CYP3A4: variants seen among roughly 807,000 people sequenced by gnomAD.
CYP3A4 encodes cytochrome P450 family 3 subfamily A member 4, also known as cytochrome P450 3A4.
In CYP3A4, 41 loss-of-function variants were observed where a neutral mutation model predicts 54.9. That is an observed-to-expected ratio of 0.75 (90% CI 0.58 to 0.97). CYP3A4 has a LOEUF of 0.97. Among genes scored for constraint, CYP3A4 ranks in the 50% least tolerant of loss-of-function variants. The probability of loss-of-function intolerance (pLI) is 0.00; values close to 1 mark genes in which losing one functional copy is unlikely to be tolerated. For synonymous variants in CYP3A4, 179 were observed against 205.2 expected (o/e 0.87, Z 1.09); for missense variants, 510 against 597.3 (o/e 0.85, Z 1.52).
At chr7:99,780,654 C>T (rs1158536653) in intron 1 of CYP3A4, among the ~76,000 whole-genome samples, 1 of 152,204 alleles carries the variant, frequency 6.6e-6, no homozygotes, top group Admixed American at 6.5e-5. Context: ...TCTTCTTAAA[C>T]CGTCATTCAC....
At chr7:99,758,579 T>G (rs775203547) in intron 12 of CYP3A4, among the ~76,000 whole-genome samples, 1 of 152,236 alleles carries the variant, frequency 6.6e-6, no homozygotes, top group Non-Finnish European at 1.5e-5. Context: ...CTTTTTTGAT[T>G]TAAATTTTAA....
chr7:99,780,127 T>C (rs765248633), intron 1 of CYP3A4, 42 bp from the exon 2 acceptor site: 38 of 1,587,304 alleles, frequency 2.4e-5, no homozygotes, highest in Non-Finnish European at 3.3e-5. Context: ...GATTGTGACT[T>C]TATAGATATA....
At chr7:99,767,077 T>A in intron 8 of CYP3A4, 54 bp downstream of exon 8, 3 of 1,545,498 alleles carry the variant, frequency 1.9e-6, no homozygotes, top group Non-Finnish European at 2.7e-6. Context: ...ATGTATATTA[T>A]CTAAAAAATT....
intron 8 of CYP3A4, chr7:99,766,650 A>G (rs1257519295): frequency 3.2e-6 from 2 of 627,022 alleles, no homozygotes; most frequent in Non-Finnish European, 5.4e-6. Flanking sequence ...TCTGGCTATC[A>G]TGTGAGATGG....
intron 9 of CYP3A4, among the ~76,000 whole-genome samples, chr7:99,764,229 G>A (rs542055976): frequency 2.0e-5 from 3 of 152,082 alleles, no homozygotes; most frequent in African/African-American, 7.2e-5. Flanking sequence ...CAAGGTCTTC[G>A]AGAATGTGGG....
intron 5 of CYP3A4, 85 bp downstream of exon 5, chr7:99,770,037 G>A: frequency 6.5e-7 from 1 of 1,530,428 alleles, no homozygotes; most frequent in Admixed American, 1.7e-5. Flanking sequence ...CTACCCCTTG[G>A]AAAGGGACTG....
chr7:99,762,490 G>C (rs1355851053), intron 10 of CYP3A4, among the ~76,000 whole-genome samples: 2 of 151,772 alleles, frequency 1.3e-5, no homozygotes, highest in Admixed American at 6.6e-5. Flanking sequence ...ATTCGGGAAG[G>C]CTCTCACCCC....
At chr7:99,770,438 G>T (rs1815603323) in intron 4 of CYP3A4, among the ~76,000 whole-genome samples, 1 of 152,022 alleles carries the variant, frequency 6.6e-6, no homozygotes, top group Non-Finnish European at 1.5e-5. Context: ...CGGGGCGGGG[G>T]GGTGGCGGCA....
intron 4 of CYP3A4, 130 bp downstream of exon 4, chr7:99,772,459 CG>C (rs1563043411): frequency 1.2e-5 from 13 of 1,067,188 alleles, no homozygotes; most frequent in South Asian, 4.5e-5. Context: ...TGTTACCATT[CG>C]GGGGGGACAG....
chr7:99,769,504 T>C, intron 6 of CYP3A4: 1 of 470,346 alleles, frequency 2.1e-6, no homozygotes, highest in Non-Finnish European at 3.9e-6. Flanking sequence ...AGGATATATT[T>C]AGTCTTCTAG....
At chr7:99,783,911 A>T (rs890186911) in intron 1 of CYP3A4, 100 bp downstream of exon 1, 11 of 1,389,400 alleles carry the variant, frequency 7.9e-6, no homozygotes, top group Non-Finnish European at 1.1e-5. Context: ...GCCCGGCCTG[A>T]ACATCTTTTT....
At chr7:99,768,622 T>A (rs1815544413) in intron 6 of CYP3A4, 120 bp from the exon 7 acceptor site, 2 of 1,573,016 alleles carry the variant, frequency 1.3e-6, no homozygotes, top group African/African-American at 1.4e-5. Flanking sequence ...GACTTTCAGA[T>A]CTACTAGATC....
Position 99,771,815 on chromosome 7 carries a change from G to T in CYP3A4, c.318+775C>A, listed in dbSNP as rs1381716958. On this transcript the variant is annotated intron_variant, in intron 4 of 12. Transcript: ENST00000651514. ...GTACGTGAGAGATGCAAAGAAGTAT[G>T]CCCAGTTGATTTTTAACAATATACC... Among the ~76,000 whole-genome samples, 3 of 152,142 alleles carry T rather than the reference G, an allele frequency of 2.0e-5. No individual in the cohort carries two copies. In the East Asian group the frequency reaches 5.8e-4, roughly 29 times the overall value.
chr7:99,766,333 CCT>C, intron 9 of CYP3A4, 42 bp downstream of exon 9: 3 of 1,602,598 alleles, frequency 1.9e-6, no homozygotes, highest in Non-Finnish European at 2.6e-6. Flanking sequence ...CAAGGCCTTC[CCT>C]CTGAGTGCCC....
chr7:99,770,343 G>A, intron 4 of CYP3A4, 108 bp from the exon 5 acceptor site: 1 of 911,280 alleles, frequency 1.1e-6, no homozygotes, highest in Non-Finnish European at 1.6e-6. Context: ...TTTAGTGACT[G>A]TCTACTGGGT....
intron 9 of CYP3A4, 137 bp downstream of exon 9, chr7:99,766,240 A>T: frequency 9.3e-7 from 1 of 1,070,620 alleles, no homozygotes; most frequent in Non-Finnish European, 1.4e-6. Context: ...TCCAACTACC[A>T]CTTATAACAT....
At chr7:99,768,648 C>T in intron 6 of CYP3A4, 146 bp from the exon 7 acceptor site, 2 of 1,495,026 alleles carry the variant, frequency 1.3e-6, no homozygotes, top group Non-Finnish European at 1.8e-6. Context: ...CTATCACACT[C>T]CATCAGAAGG....
rs987001196 is a variant in CYP3A4 at position 99,763,742 on chromosome 7, A to G, written c.1026+113T>C. On this transcript the variant is annotated intron_variant, in intron 10 of 12. Coordinates refer to ENST00000651514, the MANE Select transcript of CYP3A4 (RefSeq NM_017460.6). ...TTTCAGAGCCTTCCTACATAGAGTC[A>G]GTGAAAGAATCAGTGATTATGCTTT... is the stretch of plus-strand genomic sequence containing the variant. The G allele has an allele frequency of 5.9e-6, 8 of 1,354,652 alleles. No homozygotes were observed. The African/African-American group carries it at 8.9e-5, about 15-fold the overall frequency. 83.9% of individuals were successfully genotyped at this position (1,354,652 alleles called of 1,614,324 possible).
Position 99,783,955 on chromosome 7 carries a change from T to A in CYP3A4, c.71+56A>T. On this transcript the variant is annotated intron_variant, in intron 1 of 12. Coordinates refer to ENST00000651514, the MANE Select transcript of CYP3A4 (RefSeq NM_017460.6). Reference sequence around the variant, plus strand: ...AAAACAGATAAGGGAAAGAGAGGCCTGATTAGCACCCCAAGTCCAAGGAAA... The same window carrying A: ...AAAACAGATAAGGGAAAGAGAGGCCAGATTAGCACCCCAAGTCCAAGGAAA... The A allele has an allele frequency of 3.2e-6, 5 of 1,563,414 alleles. No homozygotes were observed. The South Asian group carries it at 5.6e-5, about 17-fold the overall frequency.
Sources: gnomAD v4.1 joint callset for allele counts (sites outside exome capture counted in the v4.1 genomes callset) on GRCh38, gnomAD v4.1.1 for gene constraint, MANE v1.5 for transcripts, NCBI Gene and HGNC (gene_info 2026-07-23, HGNC 2026-07-21) for gene names.